The following KCNIP4 variants were observed in gnomAD, a reference collection of about 807,000 sequenced individuals.
KCNIP4 encodes Kv channel-interacting protein 4.
KCNIP4 carries 12 observed loss-of-function variants against 34.0 expected under a neutral mutation model. The observed-to-expected ratio is 0.35, with a 90% CI of 0.23 to 0.57. KCNIP4 has a LOEUF of 0.57. Among genes scored for constraint, KCNIP4 ranks in the 20% least tolerant of loss-of-function variants. The probability of loss-of-function intolerance (pLI) is 0.83; values close to 1 mark genes in which losing one functional copy is unlikely to be tolerated. For synonymous variants in KCNIP4, 124 were observed against 102.2 expected, an observed-to-expected ratio of 1.21 and a Z score of -1.29; for missense variants, 238 against 311.7, an observed-to-expected ratio of 0.76 and a Z score of 1.78.
At chr4:20,862,662 CAT>C (rs1560523824) in intron 2 of KCNIP4, among the ~76,000 whole-genome samples, 1 of 152,090 alleles carries the variant, frequency 6.6e-6, no homozygotes, top group African/African-American at 2.4e-5. Context: ...ACAAGACACA[CAT>C]ATGTGTATGT....
intron 1 of KCNIP4, among the ~76,000 whole-genome samples, chr4:20,953,637 G>A (rs748132944): frequency 6.6e-5 from 10 of 152,102 alleles, no homozygotes; most frequent in African/African-American, 9.7e-5. Context: ...AGCTGAGATC[G>A]CACTCCATCT....
At chr4:20,998,443 C>T (rs962149995) in intron 1 of KCNIP4, among the ~76,000 whole-genome samples, 9 of 152,172 alleles carry the variant, frequency 5.9e-5, no homozygotes, top group Admixed American at 1.3e-4. Flanking sequence ...AAGATTTCAA[C>T]CATAACATGT....
chr4:21,644,996 T>G (rs1746908535), intron 1 of KCNIP4, among the ~76,000 whole-genome samples: 1 of 152,164 alleles, frequency 6.6e-6, no homozygotes, highest in African/African-American at 2.4e-5. Context: ...GTACCAGAGA[T>G]AACTCTTATT....
At chr4:20,757,912 C>A (rs1017389306) in intron 4 of KCNIP4, among the ~76,000 whole-genome samples, 1 of 152,160 alleles carries the variant, frequency 6.6e-6, no homozygotes, top group Non-Finnish European at 1.5e-5. Flanking sequence ...CCTCTCTGTC[C>A]TGCAGCTAAT....
intron 1 of KCNIP4, among the ~76,000 whole-genome samples, chr4:21,666,970 C>A (rs1308078054): frequency 6.6e-6 from 1 of 152,182 alleles, no homozygotes; most frequent in Non-Finnish European, 1.5e-5. Context: ...GAGAAATAGA[C>A]AACCATTCAA....
intron 1 of KCNIP4, among the ~76,000 whole-genome samples, chr4:21,397,780 T>A (rs964960181): frequency 2.0e-5 from 3 of 152,258 alleles, no homozygotes; most frequent in Admixed American, 1.3e-4. Context: ...TATAAGTCAA[T>A]AAATAAGTGG....
In KCNIP4 at chr4:20,864,031, TATGTATGTATACGCATGTATGTATACAC is replaced by T. The variant is rs1333035688; in HGVS notation, c.164-13392_164-13365del. Among the ~76,000 whole-genome samples, 11 of 103,938 alleles carry T rather than the reference TATGTATGTATACGCATGTATGTATACAC, an allele frequency of 1.1e-4. No individual in the cohort carries two copies. The South Asian group carries it at 1.4e-3, about 13-fold the overall frequency. 68.2% of individuals were successfully genotyped at this position (103,938 alleles called of 152,430 possible). ...GTAAATGTGTGTATGTATACATACATATGTATGTATACGCATGTATGTATACACATGTATGTATACGTATGTATGTATG... is the reference window on the plus strand; with the variant it reads ...GTAAATGTGTGTATGTATACATACATATGTATGTATACGTATGTATGTATG... On this transcript the variant is annotated intron_variant, in intron 2 of 8. Coordinates refer to ENST00000382152, the MANE Select transcript of KCNIP4 (RefSeq NM_025221.6).
intron 1 of KCNIP4, among the ~76,000 whole-genome samples, chr4:21,618,546 T>C (rs765714865): frequency 2.7e-5 from 4 of 149,038 alleles, no homozygotes; most frequent in Non-Finnish European, 6.0e-5. Flanking sequence ...TCTTTCTCCT[T>C]CTCTCTTTTT....
chr4:21,757,920 G>T (rs1260663627), intron 1 of KCNIP4, among the ~76,000 whole-genome samples: 1 of 152,094 alleles, frequency 6.6e-6, no homozygotes, highest in Non-Finnish European at 1.5e-5. Flanking sequence ...GACATGCGTT[G>T]GTGTGTGACT....
At chr4:21,687,433 G>T (rs1750897157) in intron 1 of KCNIP4, among the ~76,000 whole-genome samples, 1 of 152,070 alleles carries the variant, frequency 6.6e-6, no homozygotes, top group Non-Finnish European at 1.5e-5. Flanking sequence ...CACTGGTGTT[G>T]TTCAATTTTG....
At chr4:21,044,193 C>G (rs1742221790) in intron 1 of KCNIP4, among the ~76,000 whole-genome samples, 2 of 152,158 alleles carry the variant, frequency 1.3e-5, no homozygotes, top group South Asian at 4.1e-4. Context: ...CCATCTTCTC[C>G]ACATCACTGT....
intron 1 of KCNIP4, among the ~76,000 whole-genome samples, chr4:21,051,365 T>C: frequency 1.3e-5 from 2 of 152,296 alleles, no homozygotes; most frequent in Middle Eastern, 6.8e-3. Context: ...ATATTTTATC[T>C]GAATTTTGAG....
chr4:20,737,124 T>C (rs1578438450), intron 5 of KCNIP4, among the ~76,000 whole-genome samples: 1 of 152,018 alleles, frequency 6.6e-6, no homozygotes. Flanking sequence ...CCCATTGGCA[T>C]GAAGGGTAGA....
At chr4:20,780,111 T>C (rs1315395270) in intron 3 of KCNIP4, among the ~76,000 whole-genome samples, 3 of 152,286 alleles carry the variant, frequency 2.0e-5, no homozygotes, top group South Asian at 2.1e-4. Flanking sequence ...TGCAGATTAG[T>C]ATGGAACTTG....
At position 20,882,589 on chromosome 4, in the gene KCNIP4, A is replaced by C. The variant is rs1724819579; in HGVS notation, c.163+19T>G. ...ACAAGAGTTTCGGAGGAAAAAAAAA[A>C]ACAAAAAAACAAACTTGCTTTGAAT... On this transcript the variant is annotated intron_variant, in intron 2 of 8. Coordinates refer to ENST00000382152, the MANE Select transcript of KCNIP4 (RefSeq NM_025221.6). 5.7e-6 allele frequency: 9 copies of C among 1,590,708 alleles called. No individual in the cohort carries two copies. Among genetic ancestry groups the C allele is most frequent in the South Asian group, 2.2e-5 (2 of 90,456 alleles).
intron 1 of KCNIP4, among the ~76,000 whole-genome samples, chr4:21,413,259 C>A (rs1154762): frequency 0.04 from 6,163 of 152,180 alleles, 317 homozygotes; most frequent in African/African-American, 0.11. Context: ...CTAAGCTAGG[C>A]TGAGGTTGGA....
intron 3 of KCNIP4, among the ~76,000 whole-genome samples, chr4:20,839,204 G>A (rs759168140): frequency 1.3e-5 from 2 of 151,932 alleles, no homozygotes; most frequent in Admixed American, 6.6e-5. Flanking sequence ...TTACCATTGC[G>A]ATAAAACTTA....
At position 21,215,422 on chromosome 4, in the gene KCNIP4, G is replaced by A. The variant is rs111461255; in HGVS notation, c.62-332713C>T. Reference sequence around the variant, plus strand: ...CATATTCATTGATTCAAGCAAATGCGTGTTCTTTTCCTAGTAACACTTTCT... The same window carrying A: ...CATATTCATTGATTCAAGCAAATGCATGTTCTTTTCCTAGTAACACTTTCT... On this transcript the variant is annotated intron_variant, in intron 1 of 8. Coordinates refer to ENST00000382152, the MANE Select transcript of KCNIP4 (RefSeq NM_025221.6). Among the ~76,000 whole-genome samples the A allele has an allele frequency of 8.8e-3, 1,333 of 152,270 alleles. 19 individuals carry two copies. The highest frequency in any genetic ancestry group is 0.03 in the African/African-American group (1,255 of 41,544).
chr4:21,466,253 G>A (rs568175003), intron 1 of KCNIP4, among the ~76,000 whole-genome samples: 2 of 152,208 alleles, frequency 1.3e-5, no homozygotes, highest in South Asian at 4.1e-4. Flanking sequence ...GAACTCCAAA[G>A]TCTAACCCAC....
Sources: gnomAD v4.1 joint callset for allele counts (sites outside exome capture counted in the v4.1 genomes callset) on GRCh38, gnomAD v4.1.1 for gene constraint, MANE v1.5 for transcripts, NCBI Gene and HGNC (gene_info 2026-07-23, HGNC 2026-07-21) for gene names.